The following SPATA31H1 variants were observed in gnomAD, a reference collection of about 807,000 sequenced individuals.
SPATA31H1 encodes the protein spermatogenesis-associated protein 31H1.
At chr2:27,542,355 C>T in the SPATA31H1 span, among the ~76,000 whole-genome samples, 1 of 151,616 alleles carries the variant, frequency 6.6e-6, no homozygotes, top group Admixed American at 6.6e-5. Flanking sequence ...CGAGATCATA[C>T]CACTGTACTC....
At chr2:27,566,621 C>CA in the SPATA31H1 span, 1 of 332,296 alleles carries the variant, frequency 3.0e-6, no homozygotes, top group African/African-American at 2.3e-5. Context: ...GGGAAAGAAA[C>CA]TTTTTTTTTT....
At chr2:27,581,376 T>C in the SPATA31H1 span, 2 of 1,613,250 alleles carry the variant, frequency 1.2e-6, no homozygotes, top group South Asian at 2.2e-5. Flanking sequence ...TTCCAGTCCT[T>C]CTGAGAGAAG....
chr2:27,579,117 C>T, the SPATA31H1 span: 6 of 1,614,020 alleles, frequency 3.7e-6, no homozygotes, highest in Non-Finnish European at 5.1e-6. Context: ...CTGGAGATCA[C>T]GATCTAGGAC....
At chr2:27,579,992 G>C in the SPATA31H1 span, 18 of 1,613,964 alleles carry the variant, frequency 1.1e-5, no homozygotes, top group Non-Finnish European at 1.4e-5. Context: ...AGACCACTTC[G>C]GGGCCTTATC....
the SPATA31H1 span, among the ~76,000 whole-genome samples, chr2:27,540,278 A>C: frequency 1.3e-3 from 69 of 54,158 alleles, no homozygotes; most frequent in Admixed American, 2.9e-3. Context: ...GCTGACCCCC[A>C]CCACCTCCCT....
chr2:27,556,565 T>A, the SPATA31H1 span, among the ~76,000 whole-genome samples: 1 of 151,570 alleles, frequency 6.6e-6, no homozygotes, highest in African/African-American at 2.4e-5. Context: ...CTGTACCCCT[T>A]ACTGAGTTCT....
At chr2:27,581,982 A>C in the SPATA31H1 span, 1 of 1,613,874 alleles carries the variant, frequency 6.2e-7, no homozygotes, top group Non-Finnish European at 8.5e-7. Context: ...TCCCTCTGAG[A>C]GAAGACGTCA....
the SPATA31H1 span, chr2:27,582,548 T>C: frequency 1.9e-6 from 3 of 1,562,942 alleles, no homozygotes; most frequent in East Asian, 2.2e-5. Context: ...GCCCCTATTA[T>C]TCATTGTCCT....
chr2:27,576,289 C>A, the SPATA31H1 span: 1 of 433,544 alleles, frequency 2.3e-6, no homozygotes, highest in Non-Finnish European at 4.1e-6. Context: ...TGTGAACTGA[C>A]TCCAGGGACA....
At chr2:27,564,292 T>C in the SPATA31H1 span, among the ~76,000 whole-genome samples, 5 of 152,206 alleles carry the variant, frequency 3.3e-5, no homozygotes, top group Non-Finnish European at 7.3e-5. Flanking sequence ...TGTAGCACTT[T>C]TGAGAATTCT....
At chr2:27,549,745 G>C in the SPATA31H1 span, among the ~76,000 whole-genome samples, 4 of 151,974 alleles carry the variant, frequency 2.6e-5, no homozygotes, top group East Asian at 5.8e-4. Context: ...GGAGGCGAAG[G>C]TTGCAGTGAG....
At chr2:27,580,669 G>C in the SPATA31H1 span, 3 of 1,614,188 alleles carry the variant, frequency 1.9e-6, no homozygotes. Context: ...ACAGCACACA[G>C]AGTTATAGCT....
chr2:27,578,449 T>C, the SPATA31H1 span: 1 of 1,614,048 alleles, frequency 6.2e-7, no homozygotes, highest in South Asian at 1.1e-5. Context: ...GAATCAGGAA[T>C]TGAAGCAATA....
chr2:27,538,591 G>T, the SPATA31H1 span, among the ~76,000 whole-genome samples: 11,465 of 152,118 alleles, frequency 0.075, 1,145 homozygotes, highest in African/African-American at 0.23. Context: ...CAGCACTTTG[G>T]GAGGCAGAGG....
chr2:27,543,470 G>A, the SPATA31H1 span, among the ~76,000 whole-genome samples: 8 of 140,504 alleles, frequency 5.7e-5, no homozygotes, highest in Non-Finnish European at 1.1e-4. Context: ...CATCAATTGG[G>A]TATGAGAAAT....
the SPATA31H1 span, chr2:27,579,424 C>T: frequency 6.2e-7 from 1 of 1,614,106 alleles, no homozygotes; most frequent in African/African-American, 1.3e-5. Context: ...GTTACTATTT[C>T]TCAGCCTTCT....
the SPATA31H1 span, chr2:27,565,551 T>C: frequency 9.6e-6 from 6 of 622,348 alleles, no homozygotes; most frequent in Non-Finnish European, 1.7e-5. Flanking sequence ...AAGATATGTA[T>C]GTATACGGCT....
the SPATA31H1 span, among the ~76,000 whole-genome samples, chr2:27,557,823 CCCCACCTCCCT>C: frequency 1.5e-5 from 1 of 65,834 alleles, no homozygotes; most frequent in Non-Finnish European, 3.1e-5. Context: ...GGCTGACCCC[CCCCACCTCCCT>C]CCCGGACGGG....
chr2:27,550,605 G>C, the SPATA31H1 span, among the ~76,000 whole-genome samples: 442 of 151,572 alleles, frequency 2.9e-3, 6 homozygotes, highest in Non-Finnish European at 4.6e-3. Flanking sequence ...TTTTAGTAGA[G>C]ATGGGATTTC....
Sources: gnomAD v4.1 joint callset for allele counts (sites outside exome capture counted in the v4.1 genomes callset) on GRCh38, gnomAD v4.1.1 for gene constraint, MANE v1.5 for transcripts, NCBI Gene and HGNC (gene_info 2026-07-23, HGNC 2026-07-21) for gene names.